The following NDUFS4 variants were observed in gnomAD, a reference collection of about 807,000 sequenced individuals.
NDUFS4 encodes the protein NADH:ubiquinone oxidoreductase subunit S4.
NDUFS4 carries 28 observed loss-of-function variants against 24.3 expected under a neutral mutation model. The observed-to-expected ratio is 1.15, with a 90% CI of 0.85 to 1.58. The LOEUF (loss-of-function observed/expected upper bound fraction) is 1.58, where lower values mean the gene tolerates loss of function less well. NDUFS4 is among the 40% of genes most tolerant of loss of function. The pLI, the probability that NDUFS4 is intolerant of heterozygous loss-of-function variation, is 0.00. For synonymous variants in NDUFS4, 93 were observed against 69.7 expected (o/e 1.34, Z -1.67); for missense variants, 223 against 207.9 (o/e 1.07, Z -0.45).
chr5:53,645,226 A>G (rs1488214600), intron 2 of NDUFS4, among the ~76,000 whole-genome samples: 11 of 152,114 alleles, frequency 7.2e-5, no homozygotes, highest in South Asian at 6.2e-4. Context: ...GTTGACCCCA[A>G]TGTGATTTAC....
At chr5:53,593,647 T>G (rs1324310532) in intron 1 of NDUFS4, among the ~76,000 whole-genome samples, 1 of 151,892 alleles carries the variant, frequency 6.6e-6, no homozygotes, top group Admixed American at 6.5e-5. Context: ...ATTATTGAAT[T>G]TAGTTAGACC....
At chr5:53,565,202 A>G (rs185175618) in intron 1 of NDUFS4, among the ~76,000 whole-genome samples, 7 of 152,378 alleles carry the variant, frequency 4.6e-5, no homozygotes, top group African/African-American at 7.2e-5. Flanking sequence ...TGTAGACTAC[A>G]TAGTGCAAAG....
chr5:53,592,434 A>AT (rs1298314308), intron 1 of NDUFS4, among the ~76,000 whole-genome samples: 3 of 152,034 alleles, frequency 2.0e-5, no homozygotes, highest in Non-Finnish European at 2.9e-5. Flanking sequence ...TTCATGGATC[A>AT]TTTTTTTGGC....
chr5:53,662,306 GTGTA>G (rs1752368067), intron 4 of NDUFS4, among the ~76,000 whole-genome samples: 1 of 151,108 alleles, frequency 6.6e-6, no homozygotes, highest in East Asian at 2.0e-4. Flanking sequence ...CGTTTATTTT[GTGTA>G]TGTTGAACCA....
chr5:53,571,372 C>T (rs1025085519), intron 1 of NDUFS4, among the ~76,000 whole-genome samples: 4 of 152,152 alleles, frequency 2.6e-5, no homozygotes, highest in Non-Finnish European at 5.9e-5. Context: ...TGTACCAGTA[C>T]TTTATTCCTT....
chr5:53,611,907 G>C (rs1209999928), intron 2 of NDUFS4, among the ~76,000 whole-genome samples: 1 of 152,014 alleles, frequency 6.6e-6, no homozygotes, highest in Non-Finnish European at 1.5e-5. Context: ...GCTCTTTAAA[G>C]ATTTTGAGTA....
chr5:53,637,142 G>A (rs1014797976), intron 2 of NDUFS4, among the ~76,000 whole-genome samples: 2 of 152,148 alleles, frequency 1.3e-5, no homozygotes, highest in African/African-American at 4.8e-5. Flanking sequence ...GAGACTAGAA[G>A]GCCAAGCCAA....
At chr5:53,563,243 A>AAC (rs1554052690) in intron 1 of NDUFS4, among the ~76,000 whole-genome samples, 1 of 150,812 alleles carries the variant, frequency 6.6e-6, no homozygotes, top group Non-Finnish European at 1.5e-5. Flanking sequence ...AAACAAAAAA[A>AAC]AAAAAAAAAA....
intron 1 of NDUFS4, among the ~76,000 whole-genome samples, chr5:53,570,812 T>C (rs1172119927): frequency 6.6e-6 from 1 of 151,254 alleles, no homozygotes; most frequent in Non-Finnish European, 1.5e-5. Flanking sequence ...GCCTCCTGAG[T>C]AGCTGGTATT....
chr5:53,563,247 A>G (rs1748914099), intron 1 of NDUFS4, among the ~76,000 whole-genome samples: 1 of 148,344 alleles, frequency 6.7e-6, no homozygotes, highest in Admixed American at 6.8e-5. Context: ...AAAAAAAAAA[A>G]AAAAAAAGAA....
intron 1 of NDUFS4, among the ~76,000 whole-genome samples, chr5:53,584,815 T>C (rs1749690471): frequency 6.6e-6 from 1 of 151,998 alleles, no homozygotes; most frequent in African/African-American, 2.4e-5. Flanking sequence ...TCGCCCAAGG[T>C]GGAGTGCTGT....
At chr5:53,678,321 A>AGT (rs1353267990) in intron 4 of NDUFS4, among the ~76,000 whole-genome samples, 2 of 152,150 alleles carry the variant, frequency 1.3e-5, no homozygotes, top group Non-Finnish European at 2.9e-5. Flanking sequence ...AAAGCGTTTC[A>AGT]GTGTGTGAAA....
intron 1 of NDUFS4, among the ~76,000 whole-genome samples, chr5:53,566,192 A>G (rs566317013): frequency 6.6e-6 from 1 of 152,210 alleles, no homozygotes; most frequent in South Asian, 2.1e-4. Flanking sequence ...AATACACGGA[A>G]CTTAAGGGAG....
At chr5:53,642,733 A>G (rs991547527) in intron 2 of NDUFS4, among the ~76,000 whole-genome samples, 1 of 152,184 alleles carries the variant, frequency 6.6e-6, no homozygotes, top group Non-Finnish European at 1.5e-5. Flanking sequence ...AAGTTCATAT[A>G]CATATACTGG....
chr5:53,675,712 T>C (rs1740446369), intron 4 of NDUFS4, among the ~76,000 whole-genome samples: 1 of 152,170 alleles, frequency 6.6e-6, no homozygotes, highest in Non-Finnish European at 1.5e-5. Flanking sequence ...ACAAACTAGA[T>C]TCTCCATTTT....
intron 1 of NDUFS4, among the ~76,000 whole-genome samples, chr5:53,583,088 A>G (rs1240181983): frequency 1.3e-5 from 2 of 152,118 alleles, no homozygotes; most frequent in Admixed American, 1.3e-4. Flanking sequence ...TGTGTTAGCC[A>G]GGATGGTCTC....
chr5:53,604,789 T>C (rs763389984), intron 2 of NDUFS4: 3 of 456,318 alleles, frequency 6.6e-6, no homozygotes, highest in South Asian at 4.6e-5. Context: ...AACTTGCTAC[T>C]CTTTTTCCTG....
intron 1 of NDUFS4, among the ~76,000 whole-genome samples, chr5:53,601,392 G>C (rs1750319484): frequency 6.6e-6 from 1 of 152,100 alleles, no homozygotes; most frequent in Non-Finnish European, 1.5e-5. Context: ...TATCCTTAAA[G>C]TAAATTATAT....
intron 1 of NDUFS4, among the ~76,000 whole-genome samples, chr5:53,570,981 G>C: frequency 6.6e-6 from 1 of 152,014 alleles, no homozygotes; most frequent in East Asian, 1.9e-4. Flanking sequence ...ACGGCGCCCG[G>C]CTGTGTTTTT....
Sources: gnomAD v4.1 joint callset for allele counts (sites outside exome capture counted in the v4.1 genomes callset) on GRCh38, gnomAD v4.1.1 for gene constraint, MANE v1.5 for transcripts, NCBI Gene and HGNC (gene_info 2026-07-23, HGNC 2026-07-21) for gene names.